GALNTL6: variants seen among roughly 807,000 people sequenced by gnomAD.
GALNTL6 encodes the protein polypeptide N-acetylgalactosaminyltransferase like 6, also known as polypeptide N-acetylgalactosaminyltransferase-like 6.
A neutral mutation model predicts 73.7 loss-of-function variants in GALNTL6; 46 were observed. The ratio of observed to expected loss-of-function variants is 0.62; its 90% CI spans 0.49 to 0.80. The LOEUF (loss-of-function observed/expected upper bound fraction) is 0.80. Ranked by LOEUF, GALNTL6 falls within the 30% of genes least tolerant of loss-of-function variation. The pLI is 0.00. For synonymous variants in GALNTL6, 259 were observed against 263.7 expected (o/e 0.98, Z 0.17); for missense variants, 604 against 755.0 (o/e 0.80, Z 2.34).
intron 5 of GALNTL6, among the ~76,000 whole-genome samples, chr4:172,454,855 A>C (rs1256377598): frequency 6.6e-6 from 1 of 152,244 alleles, no homozygotes; most frequent in Non-Finnish European, 1.5e-5. Context: ...CAATAAGCCA[A>C]ATGAAAATAG....
intron 3 of GALNTL6, among the ~76,000 whole-genome samples, chr4:172,244,763 G>T (rs1158315471): frequency 2.0e-5 from 3 of 152,066 alleles, no homozygotes; most frequent in East Asian, 1.9e-4. Context: ...TCACAAGGGG[G>T]TCTATATAAA....
intron 2 of GALNTL6, among the ~76,000 whole-genome samples, chr4:172,175,715 A>G (rs1256298881): frequency 6.6e-6 from 1 of 152,128 alleles, no homozygotes; most frequent in East Asian, 1.9e-4. Flanking sequence ...TTCAGTGGTT[A>G]TACATTTTAA....
intron 2 of GALNTL6, among the ~76,000 whole-genome samples, chr4:171,991,549 A>G (rs1740334492): frequency 6.6e-6 from 1 of 151,878 alleles, no homozygotes. Flanking sequence ...TAATTAATAG[A>G]GTGCAGTATT....
intron 5 of GALNTL6, among the ~76,000 whole-genome samples, chr4:172,631,704 T>A (rs1203519226): frequency 2.0e-5 from 3 of 152,350 alleles, no homozygotes; most frequent in East Asian, 3.9e-4. Flanking sequence ...CCAGTGTGAT[T>A]TGCTTTCAAG....
chr4:172,633,553 G>T (rs1256830260), intron 5 of GALNTL6, among the ~76,000 whole-genome samples: 2 of 152,144 alleles, frequency 1.3e-5, no homozygotes, highest in African/African-American at 4.8e-5. Flanking sequence ...AGGCTTATAG[G>T]TGGGAGGGAC....
chr4:172,700,050 T>A (rs1307738322), intron 5 of GALNTL6, among the ~76,000 whole-genome samples: 1 of 152,086 alleles, frequency 6.6e-6, no homozygotes, highest in African/African-American at 2.4e-5. Flanking sequence ...TTATCAAAAA[T>A]TAGAGAAATT....
intron 2 of GALNTL6, among the ~76,000 whole-genome samples, chr4:172,103,626 G>A (rs897349256): frequency 2.0e-5 from 3 of 152,128 alleles, no homozygotes; most frequent in African/African-American, 7.2e-5. Flanking sequence ...TACAATTCTG[G>A]CTTCATCTTG....
chr4:172,195,406 A>T (rs913593123), intron 2 of GALNTL6, among the ~76,000 whole-genome samples: 2 of 152,190 alleles, frequency 1.3e-5, no homozygotes, highest in Non-Finnish European at 1.5e-5. Flanking sequence ...TATATTCAGG[A>T]CTTGAACTCA....
intron 3 of GALNTL6, among the ~76,000 whole-genome samples, chr4:172,242,304 CAG>C (rs1737463584): frequency 6.6e-6 from 1 of 151,588 alleles, no homozygotes; most frequent in East Asian, 1.9e-4. Context: ...GTAATCCATT[CAG>C]AGATGTGTGT....
chr4:172,085,664 T>C (rs1732010442), intron 2 of GALNTL6, among the ~76,000 whole-genome samples: 1 of 151,726 alleles, frequency 6.6e-6, no homozygotes, highest in Admixed American at 6.6e-5. Context: ...GAAAATCATC[T>C]TAATTATATA....
chr4:172,643,040 T>C (rs551170954), intron 5 of GALNTL6, among the ~76,000 whole-genome samples: 86 of 151,946 alleles, frequency 5.7e-4, no homozygotes, highest in Non-Finnish European at 9.4e-4. Context: ...AAAATAGATA[T>C]ATAGAAACTC....
intron 8 of GALNTL6, among the ~76,000 whole-genome samples, chr4:172,917,440 C>A (rs946403299): frequency 6.6e-6 from 1 of 152,226 alleles, no homozygotes; most frequent in African/African-American, 2.4e-5. Flanking sequence ...GCAAAAGAAC[C>A]TACCATCAAA....
chr4:172,255,715 T>C (rs1738051673), intron 3 of GALNTL6, among the ~76,000 whole-genome samples: 2 of 151,474 alleles, frequency 1.3e-5, no homozygotes, highest in Admixed American at 1.3e-4. Context: ...TGAATAATCA[T>C]GGGACTACGG....
At chr4:172,692,380 G>T (rs185167430) in intron 5 of GALNTL6, among the ~76,000 whole-genome samples, 3 of 152,100 alleles carry the variant, frequency 2.0e-5, no homozygotes, top group Non-Finnish European at 4.4e-5. Flanking sequence ...GGCCAATGCA[G>T]AAAATCTCTT....
At chr4:171,982,947 C>T (rs1739949278) in intron 2 of GALNTL6, among the ~76,000 whole-genome samples, 1 of 152,156 alleles carries the variant, frequency 6.6e-6, no homozygotes, top group African/African-American at 2.4e-5. Flanking sequence ...TGTAGATTTA[C>T]TGAAGCTTAT....
intron 3 of GALNTL6, among the ~76,000 whole-genome samples, chr4:172,241,265 A>G (rs1407437175): frequency 6.6e-6 from 1 of 152,170 alleles, no homozygotes; most frequent in Admixed American, 6.5e-5. Flanking sequence ...TTTACTTTAA[A>G]TAATTGTTTT....
intron 7 of GALNTL6, among the ~76,000 whole-genome samples, chr4:172,875,420 AG>A (rs1475922010): frequency 6.6e-6 from 1 of 152,212 alleles, no homozygotes; most frequent in Non-Finnish European, 1.5e-5. Flanking sequence ...ACTTTAGCCA[AG>A]GTTCCAATCC....
chr4:172,831,066 A>G lies in GALNTL6; in HGVS notation c.923+17343A>G, dbSNP rs1257601570. Reference sequence around the variant, plus strand: ...CTCAGCTACTGAGGAGGCTGAGGCAAGAGAAAGCTTGAACCCAGGAGGCGG... The same window carrying G: ...CTCAGCTACTGAGGAGGCTGAGGCAGGAGAAAGCTTGAACCCAGGAGGCGG... On this transcript the variant is annotated intron_variant, in intron 7 of 12. Coordinates refer to ENST00000506823, the MANE Select transcript of GALNTL6 (RefSeq NM_001034845.3). Among the ~76,000 whole-genome samples the G allele has an allele frequency of 2.0e-3, 5 of 2,460 alleles. No individual in the cohort carries two copies. The Non-Finnish European group carries it at 0.065, about 32-fold the overall frequency. The allele number at this position is 2,460 out of a possible 152,430, so 1.6% of individuals were successfully genotyped here. A position where few individuals can be genotyped will look rare whatever the true frequency, so the allele number is the denominator to read the frequency against.
intron 8 of GALNTL6, among the ~76,000 whole-genome samples, chr4:172,911,885 A>C (rs1009998795): frequency 6.6e-6 from 1 of 152,222 alleles, no homozygotes; most frequent in African/African-American, 2.4e-5. Context: ...AGATAGTTGT[A>C]AAGTGAGCAA....
Sources: allele counts gnomAD v4.1 joint callset (sites outside exome capture counted in the v4.1 genomes callset), GRCh38; gene constraint gnomAD v4.1.1; transcripts MANE v1.5; gene names NCBI Gene and HGNC (gene_info 2026-07-23, HGNC 2026-07-21).